Variants in KCNIP4 observed in about 807,000 individuals in gnomAD.
The protein encoded by KCNIP4 is potassium voltage-gated channel interacting protein 4.
A neutral mutation model predicts 34.0 loss-of-function variants in KCNIP4; 12 were observed. That is an observed-to-expected ratio of 0.35 (90% CI 0.23 to 0.57). The LOEUF (loss-of-function observed/expected upper bound fraction) is 0.57. Ranked by LOEUF, KCNIP4 falls within the 20% of genes least tolerant of loss-of-function variation. KCNIP4 has a pLI of 0.83. For missense variants in KCNIP4, 238 were observed against 311.7 expected, an observed-to-expected ratio of 0.76 and a Z score of 1.78; for synonymous variants, 124 against 102.2, an observed-to-expected ratio of 1.21 and a Z score of -1.29.
intron 1 of KCNIP4, among the ~76,000 whole-genome samples, chr4:21,642,950 C>T (rs889893038): frequency 6.6e-6 from 1 of 152,020 alleles, no homozygotes; most frequent in Non-Finnish European, 1.5e-5. Flanking sequence ...TTGGGCAGGA[C>T]TACTAAAGGC....
rs753264185 is a variant in KCNIP4 at position 21,279,946 on chromosome 4, CT to C, written c.62-397238del. On this transcript the variant is annotated intron_variant, in intron 1 of 8. Transcript: ENST00000382152. ...GTTCATTTCGCCATCATTCCTAGCA[CT>C]AGCAAATTGAACTATTAGGGATGAG... Among the ~76,000 whole-genome samples, 121 of 152,306 alleles carry C rather than the reference CT, an allele frequency of 7.9e-4. 1 individual carries two copies. The highest frequency in any genetic ancestry group is 1.5e-3 in the Non-Finnish European group (102 of 68,024).
At chr4:21,879,206 T>C (rs1726316911) in intron 1 of KCNIP4, among the ~76,000 whole-genome samples, 1 of 152,280 alleles carries the variant, frequency 6.6e-6, no homozygotes, top group South Asian at 2.1e-4. Context: ...TCAAGGAACT[T>C]AGAGAGGTCT....
rs537293245 is a variant in KCNIP4 at position 21,596,451 on chromosome 4, C to T, written c.61+352120G>A. Among the ~76,000 whole-genome samples, 9 of 152,184 alleles carry T rather than the reference C, an allele frequency of 5.9e-5. No individual in the cohort carries two copies. The South Asian group carries it at 1.9e-3, about 32-fold the overall frequency. On this transcript the variant is annotated intron_variant, in intron 1 of 8. Transcript: ENST00000382152. ...TCTGCTGTTGCTTTTAGGAGTTGAT[C>T]TCCATAACCTGGAATAAAGATATTG...
chr4:21,466,285 A>T (rs954592645), intron 1 of KCNIP4, among the ~76,000 whole-genome samples: 10 of 152,278 alleles, frequency 6.6e-5, no homozygotes, highest in African/African-American at 1.9e-4. Context: ...TATGCTGTGG[A>T]TACATCTGAC....
intron 1 of KCNIP4, among the ~76,000 whole-genome samples, chr4:21,705,797 G>A (rs1713220841): frequency 6.6e-6 from 1 of 152,130 alleles, no homozygotes; most frequent in South Asian, 2.1e-4. Flanking sequence ...TGTAGACCCT[G>A]GACAGTCAGC....
chr4:21,258,870 A>G (rs1031727672), intron 1 of KCNIP4, among the ~76,000 whole-genome samples: 8 of 152,194 alleles, frequency 5.3e-5, no homozygotes, highest in Non-Finnish European at 1.2e-4. Context: ...ACAGATTTTA[A>G]AAAACCCAGT....
intron 1 of KCNIP4, among the ~76,000 whole-genome samples, chr4:20,933,101 A>C (rs923117778): frequency 6.6e-6 from 1 of 151,986 alleles, no homozygotes; most frequent in Non-Finnish European, 1.5e-5. Flanking sequence ...GAAAATTAGC[A>C]AGGCATGATG....
At chr4:21,255,034 C>G (rs886973723) in intron 1 of KCNIP4, among the ~76,000 whole-genome samples, 1 of 152,106 alleles carries the variant, frequency 6.6e-6, no homozygotes, top group Non-Finnish European at 1.5e-5. Flanking sequence ...TAAAGTTGAC[C>G]GTCTCCACTT....
At chr4:21,131,954 G>T (rs1259981815) in intron 1 of KCNIP4, among the ~76,000 whole-genome samples, 1 of 152,176 alleles carries the variant, frequency 6.6e-6, no homozygotes, top group Non-Finnish European at 1.5e-5. Flanking sequence ...TGTATTGGAT[G>T]GCAGTGTTAA....
chr4:21,547,772 G>A (rs1206787960), intron 1 of KCNIP4, among the ~76,000 whole-genome samples: 1 of 152,032 alleles, frequency 6.6e-6, no homozygotes, highest in Non-Finnish European at 1.5e-5. Flanking sequence ...ATACGTATTT[G>A]CAGATAGAAG....
chr4:20,856,910 A>G (rs1477317501), intron 2 of KCNIP4, among the ~76,000 whole-genome samples: 1 of 152,162 alleles, frequency 6.6e-6, no homozygotes, highest in Non-Finnish European at 1.5e-5. Context: ...GGGCCTTTGT[A>G]TCGGGCAGCA....
intron 1 of KCNIP4, among the ~76,000 whole-genome samples, chr4:21,715,244 A>G (rs951820291): frequency 4.0e-5 from 6 of 150,264 alleles, no homozygotes; most frequent in Admixed American, 1.3e-4. Context: ...CCATTCTCCT[A>G]CCTCAACCTC....
intron 1 of KCNIP4, among the ~76,000 whole-genome samples, chr4:21,611,934 A>C (rs532608067): frequency 1.1e-4 from 16 of 152,310 alleles, no homozygotes; most frequent in Middle Eastern, 3.4e-3. Flanking sequence ...CAGTAAGATA[A>C]ACTTAGAGAA....
chr4:21,764,041 C>A lies in KCNIP4; in HGVS notation c.61+184530G>T, dbSNP rs150499944. 4.6e-5 allele frequency among the ~76,000 whole-genome samples: 7 copies of A among 152,148 alleles called. No individual in the cohort carries two copies. The East Asian group carries it at 1.4e-3, about 29-fold the overall frequency. On this transcript the variant is annotated intron_variant, in intron 1 of 8. Transcript: ENST00000382152. ...TGTGATTATGTATTTTAGTAATGAA[C>A]AGTATGGTAAAGCCAGAACAATAGA...
intron 3 of KCNIP4, 46 bp downstream of exon 3, chr4:20,850,497 T>A: frequency 6.3e-7 from 1 of 1,593,014 alleles, no homozygotes; most frequent in Middle Eastern, 2.2e-4. Flanking sequence ...TTCTCAATGC[T>A]CCTCTGGGAA....
At chr4:21,768,874 A>T (rs564294541) in intron 1 of KCNIP4, among the ~76,000 whole-genome samples, 1 of 152,240 alleles carries the variant, frequency 6.6e-6, no homozygotes, top group South Asian at 2.1e-4. Flanking sequence ...ATGTCATTTA[A>T]TAATTATTTG....
At chr4:21,708,736 A>G (rs928061756) in intron 1 of KCNIP4, among the ~76,000 whole-genome samples, 3 of 152,208 alleles carry the variant, frequency 2.0e-5, no homozygotes, top group African/African-American at 7.2e-5. Flanking sequence ...AGGCAGCTTT[A>G]AAACAATGAG....
At chr4:21,465,988 T>C (rs1243359210) in intron 1 of KCNIP4, among the ~76,000 whole-genome samples, 1 of 152,168 alleles carries the variant, frequency 6.6e-6, no homozygotes, top group Non-Finnish European at 1.5e-5. Context: ...TTTAGTCCTC[T>C]AGTTGTCAGC....
chr4:21,289,946 C>T (rs1158620347), intron 1 of KCNIP4, among the ~76,000 whole-genome samples: 6 of 152,092 alleles, frequency 3.9e-5, no homozygotes, highest in African/African-American at 1.4e-4. Context: ...TGAAGCAAAA[C>T]ACATCAATGG....
Sources: gnomAD v4.1 joint callset for allele counts (sites outside exome capture counted in the v4.1 genomes callset) on GRCh38, gnomAD v4.1.1 for gene constraint, MANE v1.5 for transcripts, NCBI Gene and HGNC (gene_info 2026-07-23, HGNC 2026-07-21) for gene names.